ADNP2: variants seen among roughly 807,000 people sequenced by gnomAD.
The protein encoded by ADNP2 is activity-dependent neuroprotector homeobox protein 2.
Under a neutral mutation model 16.4 loss-of-function variants are expected in ADNP2, and 8 were observed. That is an observed-to-expected ratio of 0.49 (90% confidence interval 0.29 to 0.88). The LOEUF (loss-of-function observed/expected upper bound fraction) is 0.88, where lower values mean the gene tolerates loss of function less well. Ranked by LOEUF, ADNP2 falls within the 40% of genes least tolerant of loss-of-function variation. The pLI is 0.09. For synonymous variants in ADNP2, 637 were observed against 545.8 expected (o/e 1.17, Z -2.33); for missense variants, 1,397 against 1,395.1 (o/e 1.00, Z -0.02).
chr18:80,137,395 C>T lies in ADNP2; in HGVS notation c.1982C>T (p.Ser661Phe). ...GCCGGTTCCATGCCCGGCATGCCCT[C>T]TCCTCCAGTGCTGGTGAATGCTGCT... is the stretch of plus-strand genomic sequence containing the variant. ...PMAGSMPGMP[S>F]PPVLVNAAQS... The change falls in exon 4 of 4, where the codon TCT becomes TTT. Residue 661 changes from serine to phenylalanine, a missense_variant. Ser to Phe is a radical substitution (Grantham distance 155). Around this residue, in one of 3 missense-constraint regions of ADNP2, gnomAD observed 611 missense variants for 648.7 expected, o/e 0.94. Transcript: ENST00000262198. This position sits in a 1 kb window ranked among gnomAD's most constrained non-coding sequence, Gnocchi z 4.2. 1 of 1,614,218 alleles carries T rather than the reference C, an allele frequency of 6.2e-7. No individual in the cohort carries two copies. The highest frequency in any genetic ancestry group is 1.1e-5 in the South Asian group (1 of 91,088).
At chr18:80,127,426 C>T (rs987262598) in intron 2 of ADNP2, among the ~76,000 whole-genome samples, 6 of 133,696 alleles carry the variant, frequency 4.5e-5, no homozygotes, top group East Asian at 2.3e-4. Flanking sequence ...GTCTTTTCTT[C>T]GGCAGCATCT....
At chr18:80,121,489 TCTTTA>T (rs1439841826) in intron 2 of ADNP2, among the ~76,000 whole-genome samples, 1 of 152,262 alleles carries the variant, frequency 6.6e-6, no homozygotes, top group Admixed American at 6.5e-5. Context: ...CTACAGGTTG[TCTTTA>T]CTTTCTTGAT....
chr18:80,138,014 C>T lies in ADNP2; in HGVS notation c.2601C>T (p.Pro867=), dbSNP rs767166846. Residue 867 remains proline (P), a synonymous_variant, in exon 4 of 4, where the codon CCC becomes CCT. Transcript: ENST00000262198. The part of the protein sequence containing the change: ...VKVRPQAEGT[P]GSTGKRVSTC... ...TGAGGCCTCAGGCTGAGGGCACCCC[C>T]GGGAGCACCGGCAAGCGAGTGTCCA... is the stretch of plus-strand genomic sequence containing the variant. The T allele has an allele frequency of 2.6e-5, 42 of 1,613,386 alleles. No homozygotes were observed. The East Asian group carries it at 2.7e-4, about 10-fold the overall frequency.
chr18:80,119,203 C>T (rs2052408544), intron 2 of ADNP2, among the ~76,000 whole-genome samples: 1 of 151,968 alleles, frequency 6.6e-6, no homozygotes, highest in South Asian at 2.1e-4. Context: ...ATGTGAAGTG[C>T]GTTTATTCTT....
intron 2 of ADNP2, among the ~76,000 whole-genome samples, chr18:80,123,136 T>C (rs1568410455): frequency 6.6e-6 from 1 of 152,226 alleles, no homozygotes; most frequent in Admixed American, 6.5e-5. Flanking sequence ...TATTTTCTTA[T>C]GTTGAAGCCC....
chr18:80,127,256 T>C (rs4505409), intron 2 of ADNP2, among the ~76,000 whole-genome samples: 23,255 of 151,832 alleles, frequency 0.15, 2,620 homozygotes, highest in East Asian at 0.48. Flanking sequence ...AACATGTCCT[T>C]TGCAGATAAG....
intron 2 of ADNP2, 85 bp downstream of exon 2, chr18:80,117,735 G>A (rs1169759270): frequency 1.1e-5 from 11 of 990,360 alleles, no homozygotes; most frequent in Non-Finnish European, 9.1e-6. Flanking sequence ...TCCTCAAAAT[G>A]GAAATTGCTG....
intron 2 of ADNP2, among the ~76,000 whole-genome samples, chr18:80,127,116 G>A (rs1428350754): frequency 6.6e-6 from 1 of 152,036 alleles, no homozygotes; most frequent in Admixed American, 6.6e-5. Flanking sequence ...TAATATCTTC[G>A]TGTACCAACT....
intron 1 of ADNP2, among the ~76,000 whole-genome samples, chr18:80,115,303 C>G (rs114755747): frequency 1.2e-3 from 184 of 152,236 alleles, no homozygotes; most frequent in African/African-American, 4.3e-3. Context: ...ACAGGATGTT[C>G]TAGGCTCATC....
chr18:80,128,782 T>A (rs2052476781), intron 2 of ADNP2, among the ~76,000 whole-genome samples: 1 of 152,238 alleles, frequency 6.6e-6, no homozygotes, highest in Non-Finnish European at 1.5e-5. Context: ...TATTTTTCTG[T>A]AGCTTTTTTT....
chr18:80,115,291 G>A (rs2052382077), intron 1 of ADNP2, among the ~76,000 whole-genome samples: 1 of 152,094 alleles, frequency 6.6e-6, no homozygotes, highest in Admixed American at 6.5e-5. Context: ...TTATATTCCG[G>A]CACAGGATGT....
chr18:80,128,454 A>G (rs1219980594), intron 2 of ADNP2, among the ~76,000 whole-genome samples: 2 of 152,218 alleles, frequency 1.3e-5, no homozygotes, highest in African/African-American at 4.8e-5. Flanking sequence ...GATTGAGACC[A>G]GCCTGGCCAA....
intron 1 of ADNP2, among the ~76,000 whole-genome samples, chr18:80,112,624 C>T (rs138924816): frequency 6.0e-4 from 92 of 152,324 alleles, no homozygotes; most frequent in African/African-American, 2.2e-3. Flanking sequence ...AACTCCTTGG[C>T]CCTAGTCCCA....
intron 3 of ADNP2, 100 bp from the exon 4 acceptor site, chr18:80,135,512 A>T: frequency 8.3e-7 from 1 of 1,197,996 alleles, no homozygotes; most frequent in African/African-American, 1.5e-5. Flanking sequence ...TTAAATGCCT[A>T]GCACATTAGA....
chr18:80,119,760 A>C (rs1314200393), intron 2 of ADNP2, among the ~76,000 whole-genome samples: 1 of 152,238 alleles, frequency 6.6e-6, no homozygotes. Flanking sequence ...AAAAATTAAC[A>C]TCTGATCAGA....
In ADNP2 at chr18:80,136,742, G is replaced by A. The variant is rs780426189; in HGVS notation, c.1329G>A (p.Ala443=). 37 of 1,612,624 alleles carry A rather than the reference G, an allele frequency of 2.3e-5. No homozygotes were observed. Among genetic ancestry groups the A allele is most frequent in the African/African-American group, 1.2e-4 (9 of 74,770 alleles). ...CAGGGGTGCTTTCTGTGAGTCGGGC[G>A]GTCCCGTCTGGAGTCCTTCCTGCAG... The part of the protein sequence containing the change: ...VSPGVLSVSR[A]VPSGVLPAGQ... The change falls in exon 4 of 4, where the codon GCG becomes GCA. Residue 443 remains alanine, a synonymous_variant. Transcript: ENST00000262198.
At chr18:80,126,841 C>A (rs79014359) in intron 2 of ADNP2, among the ~76,000 whole-genome samples, 1,657 of 152,270 alleles carry the variant, frequency 0.011, 12 homozygotes, top group Non-Finnish European at 0.017. Flanking sequence ...GTAGTTCCCC[C>A]GTATCCTCAG....
At chr18:80,110,661 CTTAT>C (rs1370861397) in intron 1 of ADNP2, among the ~76,000 whole-genome samples, 2 of 152,148 alleles carry the variant, frequency 1.3e-5, no homozygotes, top group African/African-American at 4.8e-5. Flanking sequence ...GTATGTGTAA[CTTAT>C]TTAAAGATGT....
In ADNP2 at chr18:80,136,383, C is replaced by T. The variant is rs571198421; in HGVS notation, c.970C>T (p.Pro324Ser). 7 of 1,614,218 alleles carry T rather than the reference C, an allele frequency of 4.3e-6. No homozygotes were observed. Among genetic ancestry groups the T allele is most frequent in the East Asian group, 2.2e-5 (1 of 44,872 alleles). The change falls in exon 4 of 4, where the codon CCT becomes TCT. Residue 324 changes from proline (P) to serine (S), a missense_variant. Coordinates refer to ENST00000262198, the MANE Select transcript of ADNP2 (RefSeq NM_014913.4). ...GAPGSLTHSP[P>S]AAGQSHMTLV... The stretch of plus-strand genomic sequence containing the variant: ...CCCTGGAAGCCTCACTCATTCCCCC[C>T]CTGCTGCTGGCCAATCCCACATGAC...
Sources: allele counts gnomAD v4.1 joint callset (sites outside exome capture counted in the v4.1 genomes callset), GRCh38; gene constraint gnomAD v4.1.1; regional missense constraint gnomAD v4.1.1; non-coding constraint Gnocchi (gnomAD v3.1); transcripts MANE v1.5; gene names NCBI Gene and HGNC (gene_info 2026-07-23, HGNC 2026-07-21).